The following PIK3CD variants were observed in gnomAD, a reference collection of about 807,000 sequenced individuals.
PIK3CD encodes the protein phosphatidylinositol 4,5-bisphosphate 3-kinase catalytic subunit delta isoform.
Under a neutral mutation model 122.9 loss-of-function variants are expected in PIK3CD, and 20 were observed. The observed-to-expected ratio is 0.16, with a 90% CI of 0.11 to 0.24. The LOEUF (loss-of-function observed/expected upper bound fraction) is 0.24, where lower values mean the gene tolerates loss of function less well. Ranked by LOEUF, PIK3CD falls within the 10% of genes least tolerant of loss-of-function variation. The pLI, the probability that PIK3CD is intolerant of heterozygous loss-of-function variation, is 1.00. For missense variants in PIK3CD, 787 were observed against 1,406.3 expected, an observed-to-expected ratio of 0.56 and a Z score of 7.04; for synonymous variants, 596 against 593.4, an observed-to-expected ratio of 1.00 and a Z score of -0.06.
At chr1:9,637,301 GGGA>G in the PIK3CD span, among the ~76,000 whole-genome samples, 29,760 of 151,942 alleles carry the variant, frequency 0.2, 2,919 homozygotes, top group East Asian at 0.26. Flanking sequence ...AGGCTGAGGT[GGGA>G]GGATTGCTTG....
At chr1:9,634,600 C>T in the PIK3CD span, among the ~76,000 whole-genome samples, 1 of 152,144 alleles carries the variant, frequency 6.6e-6, no homozygotes, top group Admixed American at 6.6e-5. Context: ...CGTCCAGCCT[C>T]CAAGTTTCTT....
the PIK3CD span, among the ~76,000 whole-genome samples, chr1:9,635,700 A>G: frequency 1.3e-5 from 2 of 152,248 alleles, no homozygotes; most frequent in Admixed American, 6.5e-5. Flanking sequence ...CTGGGCATCC[A>G]TTGCCATAGC....
intron 1 of PIK3CD, among the ~76,000 whole-genome samples, chr1:9,680,502 A>C: frequency 6.6e-6 from 1 of 152,158 alleles, no homozygotes; most frequent in Non-Finnish European, 1.5e-5. Flanking sequence ...TCACACCATT[A>C]GCAGTTACTC....
chr1:9,701,268 C>T (rs993973947), intron 2 of PIK3CD, among the ~76,000 whole-genome samples: 1 of 152,142 alleles, frequency 6.6e-6, no homozygotes, highest in African/African-American at 2.4e-5. Context: ...AGACTTGAGT[C>T]CCTTTCCCAC....
At chr1:9,716,912 G>A (rs763597888) in intron 6 of PIK3CD, 47 bp from the exon 7 acceptor site, 2 of 1,612,638 alleles carry the variant, frequency 1.2e-6, no homozygotes, top group East Asian at 4.5e-5. Flanking sequence ...TGTCCAGGGA[G>A]TGGTTGGGGC....
upstream of PIK3CD, among the ~76,000 whole-genome samples, chr1:9,647,519 T>TTATTATTATTATTAC (rs1644620215): frequency 6.7e-6 from 1 of 148,276 alleles, no homozygotes; most frequent in Admixed American, 6.8e-5. Flanking sequence ...ATTATTATTA[T>TTATTATTATTATTAC]TAGAGACGTG....
the PIK3CD span, among the ~76,000 whole-genome samples, chr1:9,630,076 C>T: frequency 6.6e-6 from 1 of 152,196 alleles, no homozygotes; most frequent in African/African-American, 2.4e-5. Context: ...GGGGCTGGCC[C>T]ACGGGGGGAG....
upstream of PIK3CD, chr1:9,651,724 G>C (rs1441210475): frequency 6.6e-6 from 1 of 151,892 alleles, no homozygotes. Flanking sequence ...TCCCTCCCTC[G>C]AGGCTCACTC....
In PIK3CD at chr1:9,722,718, G is replaced by A; in HGVS notation, c.2426+112G>A. 2 of 938,534 alleles carry A rather than the reference G, an allele frequency of 2.1e-6. No individual in the cohort carries two copies. Among genetic ancestry groups the A allele is most frequent in the South Asian group, 2.7e-5 (2 of 73,862 alleles). The allele number at this position is 938,534 out of a possible 1,614,324, so 58.1% of individuals were successfully genotyped here. ...CATGACCATCTCAGCCGGGGAAAGG[G>A]CTTTCCTAGGAAGACCCGGAGGCGG... On this transcript the variant is annotated intron_variant, in intron 19 of 23. Transcript: ENST00000377346. This position sits in a 1 kb window ranked among gnomAD's most constrained non-coding sequence, Gnocchi z 7.6.
the PIK3CD span, among the ~76,000 whole-genome samples, chr1:9,645,030 T>C: frequency 0.026 from 2,642 of 101,202 alleles, 63 homozygotes; most frequent in African/African-American, 0.1. Context: ...CTTTTCTTTT[T>C]TTTTTTTTTT....
upstream of PIK3CD, among the ~76,000 whole-genome samples, chr1:9,650,108 C>A (rs1253850418): frequency 6.8e-6 from 1 of 147,450 alleles, no homozygotes; most frequent in Non-Finnish European, 1.5e-5. Flanking sequence ...CTACAAGGGA[C>A]AGGAAACATT....
the PIK3CD span, among the ~76,000 whole-genome samples, chr1:9,643,452 A>AAGGGAGGG: frequency 1.9e-5 from 2 of 104,064 alleles, no homozygotes; most frequent in Non-Finnish European, 3.7e-5. Flanking sequence ...GGAAGGAAGG[A>AAGGGAGGG]AGGGAGGGAG....
At chr1:9,655,438 A>ACCC (rs1644819975) in intron 1 of PIK3CD, among the ~76,000 whole-genome samples, 1 of 119,134 alleles carries the variant, frequency 8.4e-6, no homozygotes, top group African/African-American at 3.2e-5. Context: ...AAAACCCAGG[A>ACCC]ACCCCCCGCC....
At chr1:9,639,953 G>A in the PIK3CD span, among the ~76,000 whole-genome samples, 2 of 151,260 alleles carry the variant, frequency 1.3e-5, no homozygotes, top group Admixed American at 1.3e-4. Flanking sequence ...TGTTTCCTAG[G>A]CTAGTCTTGA....
At chr1:9,649,120 C>A (rs933089615), upstream of PIK3CD, among the ~76,000 whole-genome samples, 3 of 151,324 alleles carry the variant, frequency 2.0e-5, no homozygotes, top group East Asian at 2.0e-4. Flanking sequence ...AACAAACAAA[C>A]AAAAAAAGCA....
intron 1 of PIK3CD, among the ~76,000 whole-genome samples, chr1:9,673,253 AATTTTTTT>A (rs993904481): frequency 6.7e-6 from 1 of 149,150 alleles, no homozygotes; most frequent in Non-Finnish European, 1.5e-5. Flanking sequence ...ACACCTGGCT[AATTTTTTT>A]ATTTTTTTAA....
the PIK3CD span, among the ~76,000 whole-genome samples, chr1:9,630,676 G>A: frequency 3.9e-5 from 6 of 151,922 alleles, no homozygotes; most frequent in African/African-American, 1.2e-4. Flanking sequence ...TGCTGGGCCC[G>A]AATTCTACTG....
the PIK3CD span, among the ~76,000 whole-genome samples, chr1:9,634,590 C>T: frequency 2.0e-5 from 3 of 152,174 alleles, no homozygotes; most frequent in Non-Finnish European, 4.4e-5. Context: ...TGAGCCACTG[C>T]GTCCAGCCTC....
Position 9,722,463 on chromosome 1 carries a change from G to T in PIK3CD, c.2348-65G>T, listed in dbSNP as rs1570392818. On this transcript the variant is annotated intron_variant, in intron 18 of 23. Coordinates refer to ENST00000377346, the MANE Select transcript of PIK3CD (RefSeq NM_005026.5). The surrounding 1 kb of genome is among the most constrained non-coding windows in gnomAD (Gnocchi z 7.6). ...AGAATCCTGGGACTTAAGGGCTTGGGTGTAGCTGGAAGCAGAGAACCTACC... is the reference window on the plus strand; with the variant it reads ...AGAATCCTGGGACTTAAGGGCTTGGTTGTAGCTGGAAGCAGAGAACCTACC... The T allele has an allele frequency of 1.9e-6, 3 of 1,550,998 alleles. No individual in the cohort carries two copies. Among genetic ancestry groups the T allele is most frequent in the Non-Finnish European group, 2.7e-6 (3 of 1,123,160 alleles).
Sources: allele counts gnomAD v4.1 joint callset (sites outside exome capture counted in the v4.1 genomes callset), GRCh38; gene constraint gnomAD v4.1.1; non-coding constraint Gnocchi (gnomAD v3.1); transcripts MANE v1.5; gene names NCBI Gene and HGNC (gene_info 2026-07-23, HGNC 2026-07-21).